Variants in PREX1 observed in about 807,000 individuals in gnomAD.
PREX1 encodes the protein phosphatidylinositol-3,4,5-trisphosphate dependent Rac exchange factor 1.
Under a neutral mutation model 198.3 loss-of-function variants are expected in PREX1, and 41 were observed. The observed-to-expected ratio is 0.21, with a 90% CI of 0.16 to 0.27. The LOEUF (loss-of-function observed/expected upper bound fraction) is 0.27, where lower values mean the gene tolerates loss of function less well. Among genes scored for constraint, PREX1 ranks in the 10% least tolerant of loss-of-function variants. The pLI is 1.00. For missense variants in PREX1, 1,620 were observed against 2,200.7 expected (o/e 0.74, Z 5.28); for synonymous variants, 843 against 887.2 (o/e 0.95, Z 0.89).
At chr20:48,632,802 C>CCCTGCCCT (rs1423297621) in intron 33 of PREX1, among the ~76,000 whole-genome samples, 163 bp from the exon 34 acceptor site, 1 of 152,264 alleles carries the variant, frequency 6.6e-6, no homozygotes. Context: ...CCTCAGACCT[C>CCCTGCCCT]CCTGCCCTCC....
intron 1 of PREX1, among the ~76,000 whole-genome samples, chr20:48,775,210 G>A (rs1452341035): frequency 6.6e-6 from 1 of 152,140 alleles, no homozygotes; most frequent in Non-Finnish European, 1.5e-5. Flanking sequence ...AAGAGATGAA[G>A]CTCCTGCCCT....
At chr20:48,697,224 T>C (rs546907962) in intron 7 of PREX1, among the ~76,000 whole-genome samples, 4 of 152,320 alleles carry the variant, frequency 2.6e-5, no homozygotes, top group Admixed American at 2.6e-4. Context: ...ACATTACATG[T>C]GTACCTTTAC....
upstream of PREX1, among the ~76,000 whole-genome samples, chr20:48,828,979 C>T: frequency 6.6e-6 from 1 of 152,200 alleles, no homozygotes; most frequent in East Asian, 1.9e-4. Flanking sequence ...TCCCCACTTG[C>T]TGGCCGGGTG....
chr20:48,861,844 G>A, the PREX1 span, among the ~76,000 whole-genome samples: 23 of 152,102 alleles, frequency 1.5e-4, no homozygotes, highest in African/African-American at 5.6e-4. Context: ...AGCAGGAAAG[G>A]AAGTCTCCAG....
chr20:48,821,296 G>A (rs2090483523), intron 1 of PREX1, among the ~76,000 whole-genome samples: 1 of 152,216 alleles, frequency 6.6e-6, no homozygotes, highest in African/African-American at 2.4e-5. Flanking sequence ...ATCTGGGGAT[G>A]GAACTCTAAC....
the PREX1 span, among the ~76,000 whole-genome samples, chr20:48,846,601 G>A: frequency 6.6e-6 from 1 of 152,182 alleles, no homozygotes; most frequent in Non-Finnish European, 1.5e-5. Context: ...CCAGGCAGCC[G>A]CTCCTGGCGG....
chr20:48,672,380 C>T (rs1377217530), intron 14 of PREX1, among the ~76,000 whole-genome samples: 2 of 152,250 alleles, frequency 1.3e-5, no homozygotes, highest in Admixed American at 6.5e-5. Flanking sequence ...ACCCTGTTCT[C>T]AGCCAGCATC....
In PREX1 at chr20:48,740,386, TAA is replaced by T. The variant is rs144245837; in HGVS notation, c.414+4637_414+4638del. The stretch of plus-strand genomic sequence containing the variant: ...CCCTCTCCTAGAGCTGCCTTCAGCC[TAA>T]GAGGGCCACCTGTCTGAGGCGGTAC... On this transcript the variant is annotated intron_variant, in intron 3 of 39. Coordinates refer to ENST00000371941, the MANE Select transcript of PREX1 (RefSeq NM_020820.4). Among the ~76,000 whole-genome samples, 404 of 152,290 alleles carry T rather than the reference TAA, an allele frequency of 2.7e-3. 4 individuals carry two copies. In the East Asian group the frequency reaches 0.042, roughly 16 times the overall value.
chr20:48,634,880 C>T (rs1354344528), intron 32 of PREX1, 105 bp from the exon 33 acceptor site: 3 of 937,268 alleles, frequency 3.2e-6, no homozygotes, highest in African/African-American at 1.6e-5. Context: ...ACACTGTGGG[C>T]CCCCTGGGTG....
intron 7 of PREX1, among the ~76,000 whole-genome samples, chr20:48,699,682 C>T (rs997821440): frequency 2.0e-5 from 3 of 152,122 alleles, no homozygotes; most frequent in African/African-American, 7.2e-5. Flanking sequence ...TCCAAACCTC[C>T]GTCACCAACC....
Position 48,827,589 on chromosome 20 carries a change from C to T in PREX1, c.219+53G>A. The stretch of plus-strand genomic sequence containing the variant: ...CGGCCACAGGTTGTGGGGACCGCAG[C>T]GGGGCGAGCGGCTGGAGGGAAAGCT... On this transcript the variant is annotated intron_variant, in intron 1 of 39. Transcript: ENST00000371941. This position sits in a 1 kb window ranked among gnomAD's most constrained non-coding sequence, Gnocchi z 4.1. 3 of 1,175,504 alleles carry T rather than the reference C, an allele frequency of 2.6e-6. No homozygotes were observed. The highest frequency in any genetic ancestry group is 1.6e-5 in the African/African-American group (1 of 62,310). 72.8% of individuals were successfully genotyped at this position (1,175,504 alleles called of 1,614,324 possible). A position where few individuals can be genotyped will look rare whatever the true frequency, so the allele number is the denominator to read the frequency against.
chr20:48,644,372 T>C (rs374398427), intron 27 of PREX1, 37 bp downstream of exon 27: 8 of 1,527,842 alleles, frequency 5.2e-6, no homozygotes, highest in Admixed American at 3.4e-5. Flanking sequence ...GGGAGGAGCC[T>C]CTCTCCCTGA....
At chr20:48,664,965 C>T (rs1457396499) in intron 15 of PREX1, among the ~76,000 whole-genome samples, 18 of 141,544 alleles carry the variant, frequency 1.3e-4, no homozygotes, top group African/African-American at 3.2e-4. Context: ...TGACTCCAGA[C>T]GGCCTGAATT....
rs541964541 is a variant in PREX1 at position 48,675,203 on chromosome 20, G to A, written c.1665+990C>T. 3.9e-5 allele frequency among the ~76,000 whole-genome samples: 6 copies of A among 152,314 alleles called. No individual in the cohort carries two copies. In the East Asian group the frequency reaches 1.2e-3, roughly 29 times the overall value. Reference sequence around the variant, plus strand: ...GGCATCCCTTAGAAATGGGTGTGACGCAGGGAGTCTGCCCCTCCCATCCCT... The same window carrying A: ...GGCATCCCTTAGAAATGGGTGTGACACAGGGAGTCTGCCCCTCCCATCCCT... On this transcript the variant is annotated intron_variant, in intron 14 of 39. Transcript: ENST00000371941.
intron 5 of PREX1, among the ~76,000 whole-genome samples, chr20:48,709,802 G>GT (rs2089922254): frequency 6.6e-6 from 1 of 152,222 alleles, no homozygotes. Flanking sequence ...CACGCTAGCT[G>GT]TAACTGTGAG....
Position 48,827,588 on chromosome 20 carries a change from GC to G in PREX1, c.219+53del. Reference sequence around the variant, plus strand: ...ACGGCCACAGGTTGTGGGGACCGCAGCGGGGCGAGCGGCTGGAGGGAAAGCT... The same window carrying G: ...ACGGCCACAGGTTGTGGGGACCGCAGGGGGCGAGCGGCTGGAGGGAAAGCT... On this transcript the variant is annotated intron_variant, in intron 1 of 39. Transcript: ENST00000371941. The surrounding 1 kb of genome is among the most constrained non-coding windows in gnomAD (Gnocchi z 4.1). 1 of 1,173,548 alleles carries G rather than the reference GC, an allele frequency of 8.5e-7. No individual in the cohort carries two copies. Among genetic ancestry groups the G allele is most frequent in the Non-Finnish European group, 1.1e-6 (1 of 927,902 alleles). 72.7% of individuals were successfully genotyped at this position (1,173,548 alleles called of 1,614,324 possible). A position where few individuals can be genotyped will look rare whatever the true frequency, so the allele number is the denominator to read the frequency against.
At chr20:48,698,287 G>A (rs1475543785) in intron 7 of PREX1, among the ~76,000 whole-genome samples, 5 of 152,202 alleles carry the variant, frequency 3.3e-5, no homozygotes, top group Admixed American at 3.3e-4. Context: ...CCCAGAGGAG[G>A]CAGAGCCTGC....
At chr20:48,775,894 AG>A (rs1441277176) in intron 1 of PREX1, among the ~76,000 whole-genome samples, 3 of 152,172 alleles carry the variant, frequency 2.0e-5, no homozygotes. Flanking sequence ...CTTTATCAGC[AG>A]TATGAAAATG....
intron 14 of PREX1, among the ~76,000 whole-genome samples, chr20:48,673,515 A>G (rs2122992701): frequency 6.6e-6 from 1 of 152,290 alleles, no homozygotes; most frequent in South Asian, 2.1e-4. Context: ...CTTGGGAAAT[A>G]TGAGGCCCCA....
Sources: allele counts gnomAD v4.1 joint callset (sites outside exome capture counted in the v4.1 genomes callset), GRCh38; gene constraint gnomAD v4.1.1; non-coding constraint Gnocchi (gnomAD v3.1); transcripts MANE v1.5; gene names NCBI Gene and HGNC (gene_info 2026-07-23, HGNC 2026-07-21).